Variants in NCK2 observed in about 807,000 individuals in gnomAD.
The protein encoded by NCK2 is cytoplasmic protein NCK2.
A neutral mutation model predicts 33.9 loss-of-function variants in NCK2; 16 were observed. That is an observed-to-expected ratio of 0.47 (90% CI 0.32 to 0.72). NCK2 has a LOEUF of 0.72. NCK2 is among the 30% of genes least tolerant of loss of function. The pLI, the probability that NCK2 is intolerant of heterozygous loss-of-function variation, is 0.03. For missense variants in NCK2, 418 were observed against 537.3 expected (o/e 0.78, Z 2.19); for synonymous variants, 273 against 239.9 (o/e 1.14, Z -1.27).
chr2:105,745,225 G>C (rs1270470279), intron 1 of NCK2, 87 bp downstream of exon 1: 1 of 150,908 alleles, frequency 6.6e-6, no homozygotes, highest in Non-Finnish European at 1.5e-5. Context: ...CTCGCGGGCC[G>C]GGGTGCGCCC....
chr2:105,783,740 G>T (rs2104408089), intron 1 of NCK2, among the ~76,000 whole-genome samples: 1 of 151,674 alleles, frequency 6.6e-6, no homozygotes, highest in African/African-American at 2.4e-5. Context: ...GAAAAATGAT[G>T]ACCTCCACTC....
intron 3 of NCK2, among the ~76,000 whole-genome samples, chr2:105,861,411 C>A (rs1677526120): frequency 6.6e-6 from 1 of 152,122 alleles, no homozygotes; most frequent in Admixed American, 6.5e-5. Flanking sequence ...AGGAAGCCCA[C>A]ATTAGGTGCT....
intron 1 of NCK2, among the ~76,000 whole-genome samples, chr2:105,754,275 C>T (rs1021718338): frequency 2.0e-5 from 3 of 152,140 alleles, no homozygotes; most frequent in Admixed American, 6.5e-5. Flanking sequence ...GCTTAATTTC[C>T]CAGCAATGGT....
chr2:105,792,457 A>G (rs1057445651), intron 1 of NCK2, among the ~76,000 whole-genome samples: 1 of 152,224 alleles, frequency 6.6e-6, no homozygotes, highest in Non-Finnish European at 1.5e-5. Context: ...AATTTCAATA[A>G]CAATAACTAC....
chr2:105,822,435 TAAC>T (rs1675777030), intron 2 of NCK2, among the ~76,000 whole-genome samples: 1 of 151,966 alleles, frequency 6.6e-6, no homozygotes, highest in Non-Finnish European at 1.5e-5. Context: ...ACTTTGTATT[TAAC>T]AGCCACTTCC....
chr2:105,868,289 TC>T (rs1387083093), intron 3 of NCK2, among the ~76,000 whole-genome samples: 6 of 152,216 alleles, frequency 3.9e-5, no homozygotes, highest in Non-Finnish European at 7.3e-5. Flanking sequence ...AACTTCCCCT[TC>T]CGTTTGGGAA....
intron 1 of NCK2, among the ~76,000 whole-genome samples, chr2:105,771,934 G>A (rs1306324686): frequency 6.6e-6 from 1 of 152,116 alleles, no homozygotes; most frequent in Non-Finnish European, 1.5e-5. Flanking sequence ...TCCCAGGGCT[G>A]TTCCAGGGCC....
chr2:105,801,347 C>A (rs558415236), intron 1 of NCK2, among the ~76,000 whole-genome samples: 2 of 152,212 alleles, frequency 1.3e-5, no homozygotes, highest in South Asian at 4.2e-4. Flanking sequence ...TTGACCAGCT[C>A]ACTCGGCTTG....
At chr2:105,771,242 CCT>C (rs1690127440) in intron 1 of NCK2, among the ~76,000 whole-genome samples, 1 of 151,724 alleles carries the variant, frequency 6.6e-6, no homozygotes, top group Non-Finnish European at 1.5e-5. Context: ...ATTTCTATCC[CCT>C]TTTATATTTT....
chr2:105,886,204 T>C (rs1233060407), intron 4 of NCK2, among the ~76,000 whole-genome samples: 1 of 152,248 alleles, frequency 6.6e-6, no homozygotes, highest in East Asian at 1.9e-4. Context: ...GTTTTAAGCC[T>C]GGATTTTTGT....
At chr2:105,859,348 G>T (rs1677423563) in intron 3 of NCK2, among the ~76,000 whole-genome samples, 1 of 152,186 alleles carries the variant, frequency 6.6e-6, no homozygotes, top group Non-Finnish European at 1.5e-5. Context: ...CCTCAGGAGG[G>T]TTTGTTCACA....
chr2:105,753,609 C>T lies in NCK2; in HGVS notation c.-201+8471C>T, dbSNP rs140718075. ...GGTCCCCACCCTTGTCTCCTCCACA[C>T]TGGGGGCTGAGAAAACAGGAGTGTG... On this transcript the variant is annotated intron_variant, in intron 1 of 4. Transcript: ENST00000233154. Among the ~76,000 whole-genome samples the T allele has an allele frequency of 3.1e-3, 468 of 152,338 alleles. 1 individual carries two copies. Among genetic ancestry groups the T allele is most frequent in the African/African-American group, 0.011 (447 of 41,578 alleles).
chr2:105,882,817 G>A (rs903944279), intron 4 of NCK2, among the ~76,000 whole-genome samples: 12 of 152,178 alleles, frequency 7.9e-5, no homozygotes, highest in Admixed American at 5.9e-4. Context: ...TTCTACAATC[G>A]AGAGACTTCC....
intron 2 of NCK2, among the ~76,000 whole-genome samples, chr2:105,835,715 T>G (rs2104536901): frequency 6.6e-6 from 1 of 151,862 alleles, no homozygotes; most frequent in South Asian, 2.1e-4. Context: ...TTAAAGAGGG[T>G]TTCTATGCTT....
At chr2:105,862,391 A>T (rs931282123) in intron 3 of NCK2, among the ~76,000 whole-genome samples, 1 of 152,134 alleles carries the variant, frequency 6.6e-6, no homozygotes, top group Non-Finnish European at 1.5e-5. Flanking sequence ...ATGTAATAGC[A>T]CCCCAGGCCA....
At chr2:105,852,477 A>AG (rs1677106406) in intron 2 of NCK2, among the ~76,000 whole-genome samples, 1 of 152,192 alleles carries the variant, frequency 6.6e-6, no homozygotes, top group South Asian at 2.1e-4. Context: ...AGTAGGGCTC[A>AG]GGCAGTGGAA....
Position 105,893,197 on chromosome 2 carries a change from C to T in NCK2, c.*21C>T, listed in dbSNP as rs780305389. 20 of 1,557,542 alleles carry T rather than the reference C, an allele frequency of 1.3e-5. No individual in the cohort carries two copies. Among genetic ancestry groups the T allele is most frequent in the Non-Finnish European group, 1.6e-5 (18 of 1,150,450 alleles). On this transcript the variant is annotated 3_prime_UTR_variant, in exon 5 of 5. Coordinates refer to ENST00000233154, the MANE Select transcript of NCK2 (RefSeq NM_003581.5). Reference sequence around the variant, plus strand: ...AGTGACGGCGCCCCGGCCCCACACTCGCCTCCCGGGCCCCACGGTGGAGCT... The same window carrying T: ...AGTGACGGCGCCCCGGCCCCACACTTGCCTCCCGGGCCCCACGGTGGAGCT...
At chr2:105,864,086 G>A (rs942464662) in intron 3 of NCK2, among the ~76,000 whole-genome samples, 1 of 152,124 alleles carries the variant, frequency 6.6e-6, no homozygotes, top group Non-Finnish European at 1.5e-5. Flanking sequence ...TGAGCAAGAG[G>A]GCTGGGGCAG....
At chr2:105,764,183 G>A (rs76664537) in intron 1 of NCK2, among the ~76,000 whole-genome samples, 2 of 152,226 alleles carry the variant, frequency 1.3e-5, no homozygotes, top group Non-Finnish European at 2.9e-5. Context: ...ATGATCCTTG[G>A]TGTGGGCCAC....
Sources: allele counts gnomAD v4.1 joint callset (sites outside exome capture counted in the v4.1 genomes callset), GRCh38; gene constraint gnomAD v4.1.1; transcripts MANE v1.5; gene names NCBI Gene and HGNC (gene_info 2026-07-23, HGNC 2026-07-21).